NAV2: variants seen among roughly 807,000 people sequenced by gnomAD.
NAV2 encodes the protein neuron navigator 2.
Under a neutral mutation model 223.2 loss-of-function variants are expected in NAV2, and 54 were observed. That is an observed-to-expected ratio of 0.24 (90% CI 0.19 to 0.30). NAV2 has a LOEUF of 0.30. Among genes scored for constraint, NAV2 ranks in the 10% least tolerant of loss-of-function variants. NAV2 has a pLI of 1.00. For synonymous variants in NAV2, 1,279 were observed against 1,239.3 expected (o/e 1.03, Z -0.67); for missense variants, 2,806 against 3,147.5 (o/e 0.89, Z 2.60).
At chr11:19,654,911 A>G (rs531632508) in intron 1 of NAV2, among the ~76,000 whole-genome samples, 1 of 152,326 alleles carries the variant, frequency 6.6e-6, no homozygotes, top group Admixed American at 6.5e-5. Context: ...TAAACTAAAG[A>G]GCTTCTGCAC....
intron 1 of NAV2, among the ~76,000 whole-genome samples, chr11:19,819,133 T>C (rs2059251419): frequency 6.6e-6 from 1 of 152,212 alleles, no homozygotes; most frequent in Non-Finnish European, 1.5e-5. Flanking sequence ...GGTGTTGTGC[T>C]TGTGTTTTAA....
intron 1 of NAV2, among the ~76,000 whole-genome samples, chr11:19,683,711 C>T (rs910658958): frequency 7.2e-5 from 11 of 152,210 alleles, no homozygotes; most frequent in Admixed American, 3.9e-4. Flanking sequence ...TGGCTCTGCC[C>T]CTTTCTGGCT....
chr11:19,466,748 G>A (rs1404808875), intron 1 of NAV2, among the ~76,000 whole-genome samples: 2 of 152,144 alleles, frequency 1.3e-5, no homozygotes, highest in Non-Finnish European at 2.9e-5. Context: ...GTGGTGTGCA[G>A]GGACAGGTCA....
At chr11:19,882,556 G>A (rs1371316914) in intron 5 of NAV2, among the ~76,000 whole-genome samples, 2 of 152,186 alleles carry the variant, frequency 1.3e-5, no homozygotes, top group Admixed American at 6.5e-5. Flanking sequence ...AACATGCATT[G>A]AGAAATAGTG....
intron 1 of NAV2, among the ~76,000 whole-genome samples, chr11:19,682,173 A>T (rs562451227): frequency 4.5e-4 from 68 of 152,198 alleles, no homozygotes; most frequent in Non-Finnish European, 8.2e-4. Flanking sequence ...CTGTTGACTT[A>T]TGTAGATTGA....
chr11:19,926,577 GA>G (rs2044767787), intron 6 of NAV2, among the ~76,000 whole-genome samples: 1 of 150,916 alleles, frequency 6.6e-6, no homozygotes, highest in South Asian at 2.1e-4. Flanking sequence ...AGGTTGTCAA[GA>G]ACTGACCAGG....
intron 1 of NAV2, among the ~76,000 whole-genome samples, chr11:19,380,918 C>T (rs1848816615): frequency 1.3e-5 from 2 of 152,168 alleles, no homozygotes; most frequent in South Asian, 4.1e-4. Flanking sequence ...AGCTTTCCAC[C>T]CTATGACTAT....
intron 11 of NAV2, among the ~76,000 whole-genome samples, chr11:20,020,861 C>T (rs571752959): frequency 5.3e-4 from 80 of 152,314 alleles, no homozygotes; most frequent in Middle Eastern, 3.4e-3. Flanking sequence ...ACTCTCTGGC[C>T]TGACCCCCTC....
chr11:19,552,166 G>A (rs1161064239), intron 1 of NAV2, among the ~76,000 whole-genome samples: 2 of 152,204 alleles, frequency 1.3e-5, no homozygotes, highest in African/African-American at 4.8e-5. Flanking sequence ...TTGGGGTGTA[G>A]GTGGCAGGGA....
At chr11:19,965,591 C>T (rs767174327) in intron 10 of NAV2, among the ~76,000 whole-genome samples, 18 of 152,314 alleles carry the variant, frequency 1.2e-4, no homozygotes, top group Non-Finnish European at 2.1e-4. Flanking sequence ...TCCCAATGCC[C>T]ATCCAACAAA....
chr11:19,537,976 T>C (rs1397484128), intron 1 of NAV2, among the ~76,000 whole-genome samples: 1 of 152,184 alleles, frequency 6.6e-6, no homozygotes, highest in African/African-American at 2.4e-5. Context: ...AAGAAATGAG[T>C]AACTTACCAA....
At chr11:19,581,471 T>C (rs939086550) in intron 1 of NAV2, among the ~76,000 whole-genome samples, 9 of 152,212 alleles carry the variant, frequency 5.9e-5, no homozygotes, top group African/African-American at 2.2e-4. Flanking sequence ...CTGCACCCGT[T>C]AACTCGTCAT....
At chr11:19,817,548 G>T (rs1483237761) in intron 1 of NAV2, among the ~76,000 whole-genome samples, 1 of 152,156 alleles carries the variant, frequency 6.6e-6, no homozygotes, top group Admixed American at 6.6e-5. Context: ...CCGAGTTGGG[G>T]GAGGGAGGGC....
intron 1 of NAV2, chr11:19,505,298 G>T (rs2043089688): frequency 6.6e-6 from 1 of 152,202 alleles, no homozygotes; most frequent in South Asian, 2.1e-4. Context: ...CTGCATATTG[G>T]TGGAATTCTT....
intron 1 of NAV2, among the ~76,000 whole-genome samples, chr11:19,568,033 A>G (rs2045322878): frequency 6.6e-6 from 1 of 152,200 alleles, no homozygotes; most frequent in South Asian, 2.1e-4. Flanking sequence ...CACAGCTGTG[A>G]TCCTGCAGCT....
chr11:19,900,265 C>T (rs2153185568), intron 6 of NAV2, among the ~76,000 whole-genome samples: 1 of 152,188 alleles, frequency 6.6e-6, no homozygotes, highest in South Asian at 2.1e-4. Flanking sequence ...TCACAGATCA[C>T]TGGAGGAATA....
intron 1 of NAV2, among the ~76,000 whole-genome samples, chr11:19,357,121 T>C (rs780879164): frequency 1.3e-5 from 2 of 152,220 alleles, no homozygotes; most frequent in Non-Finnish European, 2.9e-5. Flanking sequence ...GGATGAAATT[T>C]AATGCTAAGT....
chr11:19,959,588 A>G (rs1396241723), intron 10 of NAV2, among the ~76,000 whole-genome samples: 1 of 152,190 alleles, frequency 6.6e-6, no homozygotes, highest in Non-Finnish European at 1.5e-5. Context: ...ACCTCACCAA[A>G]CTGTCCTCAT....
chr11:20,090,718 G>A (rs1056809302), intron 26 of NAV2, 147 bp from the exon 27 acceptor site: 2 of 687,942 alleles, frequency 2.9e-6, no homozygotes, highest in South Asian at 2.5e-5. Flanking sequence ...CTGTTTTCAG[G>A]TGCTTTTGGC....
Sources: allele counts gnomAD v4.1 joint callset (sites outside exome capture counted in the v4.1 genomes callset), GRCh38; gene constraint gnomAD v4.1.1; transcripts MANE v1.5; gene names NCBI Gene and HGNC (gene_info 2026-07-23, HGNC 2026-07-21).